Variants in FBXO17 observed in about 807,000 individuals in gnomAD.
The protein encoded by FBXO17 is F-box only protein 17.
A neutral mutation model predicts 34.1 loss-of-function variants in FBXO17; 43 were observed. The ratio of observed to expected loss-of-function variants is 1.26; its 90% CI spans 0.99 to 1.62. The LOEUF is 1.62. Ranked by LOEUF, FBXO17 falls within the 40% of genes most tolerant of loss-of-function variation. FBXO17 has a pLI of 0.00. For synonymous variants in FBXO17, 169 were observed against 166.0 expected (o/e 1.02, Z -0.14); for missense variants, 424 against 386.7 (o/e 1.10, Z -0.81).
intron 1 of FBXO17, among the ~76,000 whole-genome samples, chr19:38,969,468 A>G (rs1975362802): frequency 6.6e-6 from 1 of 151,742 alleles, no homozygotes; most frequent in South Asian, 2.1e-4. Context: ...GAAAAGAAAA[A>G]AGAAAATGAG....
intron 3 of FBXO17, among the ~76,000 whole-genome samples, chr19:38,948,287 C>G (rs1975016803): frequency 6.6e-6 from 1 of 152,194 alleles, no homozygotes; most frequent in African/African-American, 2.4e-5. Flanking sequence ...AAAACCCTGT[C>G]TTTAGATCAA....
At chr19:38,953,894 G>A (rs571983831) in intron 1 of FBXO17, among the ~76,000 whole-genome samples, 26 of 151,510 alleles carry the variant, frequency 1.7e-4, no homozygotes, top group Non-Finnish European at 2.9e-4. Flanking sequence ...TGGTAGAGGC[G>A]GGGGTGGCTG....
chr19:38,967,167 T>C (rs1248178013), intron 1 of FBXO17, among the ~76,000 whole-genome samples: 1 of 152,102 alleles, frequency 6.6e-6, no homozygotes, highest in African/African-American at 2.4e-5. Flanking sequence ...AGTTAAAAAA[T>C]GGACAAAAGG....
In FBXO17 at chr19:38,948,601, C is replaced by A. The variant is rs762420594; in HGVS notation, c.427G>T (p.Ala143Ser). The A allele has an allele frequency of 1.4e-5, 23 of 1,614,022 alleles. No homozygotes were observed. In the South Asian group the frequency reaches 2.3e-4, roughly 16 times the overall value. Residue 143 changes from alanine (A) to serine (S), a missense_variant, in exon 3 of 6, where the codon GCT (alanine) becomes TCT (serine). Physicochemically the swap from Ala to Ser is moderately conservative, Grantham distance 99 (BLOSUM62 1). Transcript: ENST00000292852. ...GTCACGAAGCAGGTCTGCGAAGGAG[C>A]CCCAGGCACCGGTGTTAGGTTCTTT... ...IEKNLTPVPG[A>S]PSQTCFVTSF...
chr19:38,948,468 G>C (rs527827571), intron 3 of FBXO17, 99 bp downstream of exon 3: 7 of 803,306 alleles, frequency 8.7e-6, no homozygotes, highest in East Asian at 2.6e-5. Context: ...ATGGGGGAAG[G>C]AGAGGGTGAA....
chr19:38,962,106 T>TAAA (rs71167604), intron 1 of FBXO17, among the ~76,000 whole-genome samples: 4 of 92,482 alleles, frequency 4.3e-5, no homozygotes, highest in African/African-American at 9.0e-5. Context: ...GGGACGCTGT[T>TAAA]AAAAAAAAAA....
intron 1 of FBXO17, among the ~76,000 whole-genome samples, chr19:38,962,335 T>G (rs1400254573): frequency 6.6e-6 from 1 of 152,184 alleles, no homozygotes; most frequent in Non-Finnish European, 1.5e-5. Flanking sequence ...GGCTTCCAGT[T>G]TCCAGACTTG....
At chr19:38,970,344 A>G (rs1975376342) in intron 1 of FBXO17, among the ~76,000 whole-genome samples, 2 of 151,884 alleles carry the variant, frequency 1.3e-5, no homozygotes, top group Admixed American at 6.6e-5. Flanking sequence ...TGGACCTGGG[A>G]CCACAGGCAC....
At chr19:38,970,324 C>G (rs1975376107) in intron 1 of FBXO17, among the ~76,000 whole-genome samples, 1 of 151,996 alleles carries the variant, frequency 6.6e-6, no homozygotes, top group African/African-American at 2.4e-5. Context: ...CCTCCTGACT[C>G]AGCCTCTTCT....
intron 1 of FBXO17, among the ~76,000 whole-genome samples, chr19:38,953,995 AGAG>A (rs1161819090): frequency 6.6e-6 from 1 of 152,030 alleles, no homozygotes; most frequent in Admixed American, 6.6e-5. Flanking sequence ...GGAAAGGATT[AGAG>A]GAGAAGGGAA....
At position 38,945,036 on chromosome 19, in the gene FBXO17, T is replaced by G; in HGVS notation, c.626A>C (p.Lys209Thr). The stretch of plus-strand genomic sequence containing the variant: ...TGAGGCTGAGAACTTGACCACTTCC[T>G]TTTCATACACATCCAGAAGGCGGAC... ...LRVRLLDVYE[K>T]EVVKFSASPD... The change falls in exon 5 of 6, where the codon AAG becomes ACG. Residue 209 changes from lysine (K) to threonine (T), a missense_variant. By Grantham distance (78) the Lys-to-Thr change is moderately conservative. Coordinates refer to ENST00000292852, the MANE Select transcript of FBXO17 (RefSeq NM_024907.7). The G allele has an allele frequency of 6.2e-7, 1 of 1,614,186 alleles. No individual in the cohort carries two copies. Among genetic ancestry groups the G allele is most frequent in the South Asian group, 1.1e-5 (1 of 91,084 alleles).
chr19:38,946,397 G>A (rs1459107073), intron 4 of FBXO17, 75 bp downstream of exon 4: 28 of 1,599,742 alleles, frequency 1.8e-5, no homozygotes, highest in Non-Finnish European at 2.1e-5. Flanking sequence ...TTGATGGGGC[G>A]GGAAATGAGC....
chr19:38,945,115 G>A lies in FBXO17; in HGVS notation c.558-11C>T. On this transcript the variant is annotated splice_polypyrimidine_tract_variant and intron_variant, in intron 4 of 5. Coordinates refer to ENST00000292852, the MANE Select transcript of FBXO17 (RefSeq NM_024907.7). ...TCTCGAGCGCCCCACCTGCCAGGCA[G>A]CAGTCAGCCTCTATGCCCCCGTCAC... The A allele has an allele frequency of 1.2e-6, 2 of 1,613,754 alleles. No homozygotes were observed. Among genetic ancestry groups the A allele is most frequent in the Non-Finnish European group, 1.7e-6 (2 of 1,179,910 alleles).
Position 38,957,312 on chromosome 19 carries a change from GTTC to G in FBXO17, c.-17-6979_-17-6977del, listed in dbSNP as rs1975179740. On this transcript the variant is annotated intron_variant, in intron 1 of 5. Transcript: ENST00000292852. ...GTGCACCAGAGTTTAGTTTCCTGGA[GTTC>G]TTCTTAGGAGGAGTTCTTAGTTCCC... Among the ~76,000 whole-genome samples the G allele has an allele frequency of 2.6e-5, 4 of 152,266 alleles. No homozygotes were observed. The South Asian group carries it at 8.3e-4, about 32-fold the overall frequency.
chr19:38,963,280 C>T (rs979272466), intron 1 of FBXO17, among the ~76,000 whole-genome samples: 8 of 148,882 alleles, frequency 5.4e-5, no homozygotes, highest in African/African-American at 2.5e-5. Flanking sequence ...GCATAATGTC[C>T]GTGTGATTCA....
chr19:38,969,621 G>A lies in FBXO17; in HGVS notation c.-18+5965C>T, dbSNP rs544461828. Among the ~76,000 whole-genome samples the A allele has an allele frequency of 9.4e-4, 104 of 110,466 alleles. 2 individuals carry two copies. In the East Asian group the frequency reaches 0.01, roughly 11 times the overall value. The allele number at this position is 110,466 out of a possible 152,430, so 72.5% of individuals were successfully genotyped here. Reference sequence around the variant, plus strand: ...TTTTTTTTTTTTTTTTTTTGAGACTGAATCTCACTCTATCGCCCAGGCTGG... The same window carrying A: ...TTTTTTTTTTTTTTTTTTTGAGACTAAATCTCACTCTATCGCCCAGGCTGG... On this transcript the variant is annotated intron_variant, in intron 1 of 5. Coordinates refer to ENST00000292852, the MANE Select transcript of FBXO17 (RefSeq NM_024907.7).
intron 1 of FBXO17, among the ~76,000 whole-genome samples, chr19:38,966,293 T>TTG (rs10569438): frequency 0.019 from 2,733 of 143,046 alleles, 31 homozygotes; most frequent in African/African-American, 0.025. Context: ...ATTAAAAATT[T>TTG]TGTGTGTGTG....
chr19:38,964,645 T>C (rs1439016779), intron 1 of FBXO17, among the ~76,000 whole-genome samples: 3 of 151,966 alleles, frequency 2.0e-5, no homozygotes, highest in African/African-American at 7.3e-5. Flanking sequence ...CAAGCGCCTG[T>C]AGTCCCAGCT....
intron 1 of FBXO17, among the ~76,000 whole-genome samples, chr19:38,953,106 A>G (rs569290757): frequency 3.0e-4 from 46 of 152,156 alleles, no homozygotes; most frequent in African/African-American, 1.1e-3. Flanking sequence ...GTTTGAGATC[A>G]GCCTGGGCAA....
Sources: allele counts gnomAD v4.1 joint callset (sites outside exome capture counted in the v4.1 genomes callset), GRCh38; gene constraint gnomAD v4.1.1; transcripts MANE v1.5; gene names NCBI Gene and HGNC (gene_info 2026-07-23, HGNC 2026-07-21).